The following FSTL4 variants were observed in gnomAD, a reference collection of about 807,000 sequenced individuals.
FSTL4 encodes the protein follistatin-related protein 4.
In FSTL4, 28 loss-of-function variants were observed where a neutral mutation model predicts 78.2. The ratio of observed to expected loss-of-function variants is 0.36; its 90% CI spans 0.27 to 0.49. FSTL4 has a LOEUF of 0.49. Ranked by LOEUF, FSTL4 falls within the 20% of genes least tolerant of loss-of-function variation. FSTL4 has a pLI of 0.98. For missense variants in FSTL4, 922 were observed against 1,084.9 expected, an observed-to-expected ratio of 0.85 and a Z score of 2.11; for synonymous variants, 422 against 440.5, an observed-to-expected ratio of 0.96 and a Z score of 0.53.
At chr5:133,448,783 C>T (rs955650040) in intron 3 of FSTL4, among the ~76,000 whole-genome samples, 2 of 151,354 alleles carry the variant, frequency 1.3e-5, no homozygotes, top group African/African-American at 4.9e-5. Context: ...TGCGCAAACT[C>T]CCCAGATGCT....
chr5:133,397,945 C>T (rs2126968826), intron 4 of FSTL4, among the ~76,000 whole-genome samples: 1 of 152,298 alleles, frequency 6.6e-6, no homozygotes, highest in South Asian at 2.1e-4. Flanking sequence ...GGACAAATGA[C>T]AAACTGTCAT....
At chr5:133,811,512 A>G in the FSTL4 span, among the ~76,000 whole-genome samples, 38 of 152,356 alleles carry the variant, frequency 2.5e-4, no homozygotes, top group African/African-American at 9.1e-4. Context: ...AGCATGTCTT[A>G]CACACCCAAC....
intron 6 of FSTL4, among the ~76,000 whole-genome samples, chr5:133,300,227 G>A (rs577080475): frequency 6.6e-6 from 1 of 152,286 alleles, no homozygotes; most frequent in South Asian, 2.1e-4. Context: ...CATGAGGAAG[G>A]AGACATGGTG....
At chr5:133,331,070 C>A (rs1274951952) in intron 4 of FSTL4, among the ~76,000 whole-genome samples, 64 of 152,278 alleles carry the variant, frequency 4.2e-4, no homozygotes, top group Non-Finnish European at 5.9e-5. Flanking sequence ...ACAGCAGCCC[C>A]AGAGGAAGAG....
chr5:133,364,444 C>T (rs911605969), intron 4 of FSTL4, among the ~76,000 whole-genome samples: 3 of 152,220 alleles, frequency 2.0e-5, no homozygotes, highest in Admixed American at 2.0e-4. Flanking sequence ...AGGGGCTGCC[C>T]CATGCCAGGG....
At chr5:133,342,503 C>T (rs908771648) in intron 4 of FSTL4, among the ~76,000 whole-genome samples, 8 of 152,176 alleles carry the variant, frequency 5.3e-5, no homozygotes, top group African/African-American at 9.6e-5. Flanking sequence ...TCATCCACAG[C>T]GCTTTTACCC....
chr5:133,559,227 G>A (rs1362346343), intron 3 of FSTL4, among the ~76,000 whole-genome samples: 1 of 152,210 alleles, frequency 6.6e-6, no homozygotes, highest in African/African-American at 2.4e-5. Flanking sequence ...AGAGGCTGGT[G>A]GATAGCACAT....
At position 133,532,128 on chromosome 5, in the gene FSTL4, G is replaced by A. The variant is rs558760219; in HGVS notation, c.160+35058C>T. On this transcript the variant is annotated intron_variant, in intron 3 of 15. Coordinates refer to ENST00000265342, the MANE Select transcript of FSTL4 (RefSeq NM_015082.2). ...AAGAGAGGCAGGAGGGTCACAGTCG[G>A]AGAAGGAGACATGATGACAGAAGTA... Among the ~76,000 whole-genome samples the A allele has an allele frequency of 4.3e-4, 66 of 152,336 alleles. 1 individual carries two copies. The highest frequency in any genetic ancestry group is 1.6e-3 in the African/African-American group (66 of 41,568).
the FSTL4 span, among the ~76,000 whole-genome samples, chr5:133,759,535 C>T: frequency 1.3e-5 from 2 of 152,184 alleles, no homozygotes; most frequent in African/African-American, 2.4e-5. Context: ...ACAGAGAAAA[C>T]TTGTTAATGG....
At chr5:133,637,111 T>C in the FSTL4 span, among the ~76,000 whole-genome samples, 3 of 152,134 alleles carry the variant, frequency 2.0e-5, no homozygotes. Flanking sequence ...GGTGTAACAA[T>C]GACAACATGA....
chr5:133,205,560 C>A (rs1027424972), intron 14 of FSTL4, among the ~76,000 whole-genome samples: 4 of 152,178 alleles, frequency 2.6e-5, no homozygotes, highest in African/African-American at 9.7e-5. Context: ...AAAACCAATT[C>A]TTCACAATTT....
chr5:133,840,700 G>C, the FSTL4 span, among the ~76,000 whole-genome samples: 1 of 152,154 alleles, frequency 6.6e-6, no homozygotes, highest in Non-Finnish European at 1.5e-5. Flanking sequence ...GAGCTACCAG[G>C]CTAAAAGTCT....
chr5:133,773,119 A>C, the FSTL4 span, among the ~76,000 whole-genome samples: 1 of 152,148 alleles, frequency 6.6e-6, no homozygotes, highest in Non-Finnish European at 1.5e-5. Flanking sequence ...ATTATAACAC[A>C]AACTTTAACA....
At chr5:133,229,785 C>A (rs1184262054) in intron 8 of FSTL4, among the ~76,000 whole-genome samples, 1 of 152,168 alleles carries the variant, frequency 6.6e-6, no homozygotes, top group African/African-American at 2.4e-5. Context: ...CAATACTGTG[C>A]AGCCAAAGTT....
At chr5:133,442,704 C>T (rs1366994250) in intron 3 of FSTL4, among the ~76,000 whole-genome samples, 3 of 152,288 alleles carry the variant, frequency 2.0e-5, no homozygotes, top group East Asian at 3.9e-4. Flanking sequence ...CCCTGGGTCA[C>T]AGAACCCCTA....
At chr5:133,387,394 A>G (rs1473692891) in intron 4 of FSTL4, among the ~76,000 whole-genome samples, 1 of 152,154 alleles carries the variant, frequency 6.6e-6, no homozygotes, top group African/African-American at 2.4e-5. Flanking sequence ...GTGGGCTGGC[A>G]GCCTGGCACA....
Position 133,223,318 on chromosome 5 carries a change from T to G in FSTL4, c.1339+872A>C, listed in dbSNP as rs1242469278. 2.6e-5 allele frequency among the ~76,000 whole-genome samples: 4 copies of G among 152,356 alleles called. No homozygotes were observed. In the East Asian group the frequency reaches 7.7e-4, roughly 29 times the overall value. The stretch of plus-strand genomic sequence containing the variant: ...GTTCCTGACGTTCAGGAAATTGTTC[T>G]GAGTATGTGTCTGCATGCATATGCC... On this transcript the variant is annotated intron_variant, in intron 11 of 15. Coordinates refer to ENST00000265342, the MANE Select transcript of FSTL4 (RefSeq NM_015082.2).
intron 7 of FSTL4, among the ~76,000 whole-genome samples, chr5:133,235,242 G>T (rs1751620812): frequency 6.6e-6 from 1 of 152,152 alleles, no homozygotes; most frequent in Non-Finnish European, 1.5e-5. Context: ...CACTTTGGGA[G>T]GCCGAGGCAG....
At chr5:133,285,398 C>G (rs1753106027) in intron 6 of FSTL4, among the ~76,000 whole-genome samples, 2 of 152,194 alleles carry the variant, frequency 1.3e-5, no homozygotes, top group African/African-American at 2.4e-5. Flanking sequence ...CAGGTGCCAG[C>G]TGGCTGGGAC....
Sources: gnomAD v4.1 joint callset for allele counts (sites outside exome capture counted in the v4.1 genomes callset) on GRCh38, gnomAD v4.1.1 for gene constraint, MANE v1.5 for transcripts, NCBI Gene and HGNC (gene_info 2026-07-23, HGNC 2026-07-21) for gene names.